Variants in SEC14L4 observed in about 807,000 individuals in gnomAD.
The protein encoded by SEC14L4 is SEC14 like lipid binding 4.
In SEC14L4, 42 loss-of-function variants were observed where a neutral mutation model predicts 55.1. The ratio of observed to expected loss-of-function variants is 0.76; its 90% CI spans 0.60 to 0.99. The LOEUF is 0.99. SEC14L4 is among the 50% of genes least tolerant of loss of function. SEC14L4 has a pLI of 0.00. For missense variants in SEC14L4, 445 were observed against 512.1 expected, an observed-to-expected ratio of 0.87 and a Z score of 1.27; for synonymous variants, 206 against 206.8, an observed-to-expected ratio of 1.00 and a Z score of 0.03.
intron 11 of SEC14L4, chr22:30,491,333 G>T: frequency 1.7e-6 from 1 of 577,644 alleles, no homozygotes; most frequent in Non-Finnish European, 3.1e-6. Flanking sequence ...AGTGATCCCG[G>T]TATAGGGGCT....
chr22:30,498,131 T>TC (rs1210936985), intron 2 of SEC14L4, among the ~76,000 whole-genome samples: 1 of 141,706 alleles, frequency 7.1e-6, no homozygotes, highest in Non-Finnish European at 1.5e-5. Context: ...TATCTTTTTT[T>TC]TTTTTTTTTT....
At chr22:30,502,322 T>C (rs1487376843) in intron 2 of SEC14L4, among the ~76,000 whole-genome samples, 1 of 152,166 alleles carries the variant, frequency 6.6e-6, no homozygotes, top group Non-Finnish European at 1.5e-5. Flanking sequence ...TTATGCCCAT[T>C]ACACAGAAGA....
chr22:30,491,667 A>C lies in SEC14L4; in HGVS notation c.987T>G (p.Ser329Arg), dbSNP rs146280848. ...FLKTKMGEQQ[S>R]AREMTEVLPS... is the part of the protein sequence containing the mutation. ...GCAGCACCTCCGTCATCTCCCTAGC[A>C]CTCTGCTGCTCCCCCATCTTGGTCT... Residue 329 changes from serine to arginine, a missense_variant, in exon 11 of 12, where the codon AGT becomes AGG. Transcript: ENST00000255858. 8.7e-5 allele frequency: 141 copies of C among 1,613,770 alleles called. No homozygotes were observed. The highest frequency in any genetic ancestry group is 4.2e-5 in the Non-Finnish European group (50 of 1,179,956).
rs1601846062 is a variant in SEC14L4, at chr22:30,494,328, C to T, written c.520-118G>A. 9 of 758,956 alleles carry T rather than the reference C, an allele frequency of 1.2e-5. No homozygotes were observed. In the East Asian group the frequency reaches 2.2e-4, roughly 19 times the overall value. The allele number at this position is 758,956 out of a possible 1,614,324, so 47.0% of individuals were successfully genotyped here. A position where few individuals can be genotyped will look rare whatever the true frequency, so the allele number is the denominator to read the frequency against. ...CCATCCCTGGCCCATCCTACCTTCC[C>T]CACAAGCATGTGCCTCTTCCTCTCT... On this transcript the variant is annotated intron_variant, in intron 6 of 11. Transcript: ENST00000255858.
chr22:30,498,667 A>G (rs1451797909), intron 2 of SEC14L4, among the ~76,000 whole-genome samples: 3 of 152,162 alleles, frequency 2.0e-5, no homozygotes, highest in Non-Finnish European at 4.4e-5. Context: ...AAATCCTCTA[A>G]TAAGTGTTAA....
chr22:30,504,151 G>A (rs1011450695), intron 1 of SEC14L4, among the ~76,000 whole-genome samples: 19 of 151,768 alleles, frequency 1.3e-4, no homozygotes, highest in Middle Eastern at 3.4e-3. Flanking sequence ...CGTGCCTCCC[G>A]GGTTCAATAG....
chr22:30,502,699 C>T (rs905186646), intron 2 of SEC14L4, among the ~76,000 whole-genome samples: 1 of 151,964 alleles, frequency 6.6e-6, no homozygotes, highest in African/African-American at 2.4e-5. Flanking sequence ...TACAGGTGCT[C>T]GGCAGCTCAC....
At chr22:30,499,874 G>GC (rs1936266033) in intron 2 of SEC14L4, among the ~76,000 whole-genome samples, 1 of 143,470 alleles carries the variant, frequency 7.0e-6, no homozygotes, top group African/African-American at 2.5e-5. Flanking sequence ...GAAATTAACT[G>GC]TTTTTTTTTT....
chr22:30,490,313 A>C (rs1213459531), intron 11 of SEC14L4, 67 bp from the exon 12 acceptor site: 7 of 1,599,460 alleles, frequency 4.4e-6, no homozygotes, highest in Non-Finnish European at 5.9e-6. Context: ...CCAGCCCTGC[A>C]TGGGTGCATC....
intron 7 of SEC14L4, among the ~76,000 whole-genome samples, chr22:30,493,083 C>CAAAAAAAAAA (rs10593638): frequency 1.2e-5 from 1 of 80,454 alleles, no homozygotes; most frequent in African/African-American, 4.3e-5. Flanking sequence ...GATTCCATCT[C>CAAAAAAAAAA]AAAAAAAAAA....
At chr22:30,499,876 T>C (rs1936266487) in intron 2 of SEC14L4, among the ~76,000 whole-genome samples, 1 of 146,450 alleles carries the variant, frequency 6.8e-6, no homozygotes, top group Non-Finnish European at 1.5e-5. Context: ...AATTAACTGT[T>C]TTTTTTTTTT....
Position 30,489,225 on chromosome 22 carries a change from C to CTTTA in SEC14L4, c.*878_*881dup. On this transcript the variant is annotated 3_prime_UTR_variant, in exon 12 of 12. Coordinates refer to ENST00000255858, the MANE Select transcript of SEC14L4 (RefSeq NM_174977.4). ...CACCTCTCCATGTCCAATGTTCTTT[C>CTTTA]TTTATTTGTTTGTTTGTTTGTTTGT... 8.1e-6 allele frequency: 1 copy of CTTTA among 124,072 alleles called. No individual in the cohort carries two copies. The highest frequency in any genetic ancestry group is 1.7e-5 in the Non-Finnish European group (1 of 57,232). The allele number at this position is 124,072 out of a possible 1,614,324, so 7.7% of individuals were successfully genotyped here.
Position 30,490,114 on chromosome 22 carries a change from G to A in SEC14L4, c.1214C>T (p.Thr405Ile). The part of the protein sequence containing the change: ...QSLKAMRPSP[T>I]Q The stretch of plus-strand genomic sequence containing the variant: ...TAGAGGTGGCTGGGGTCTTCACTGT[G>A]TTGGGGAGGGTCTCATCGCCTTGAG... Residue 405 changes from threonine to isoleucine, a missense_variant, in exon 12 of 12, where the codon ACA (threonine) becomes ATA (isoleucine). By Grantham distance (89) the Thr-to-Ile change is moderately conservative. Transcript: ENST00000255858. 1 of 1,613,986 alleles carries A rather than the reference G, an allele frequency of 6.2e-7. No individual in the cohort carries two copies.
chr22:30,505,090 C>T (rs1936448444), intron 1 of SEC14L4, among the ~76,000 whole-genome samples: 2 of 150,322 alleles, frequency 1.3e-5, no homozygotes, highest in South Asian at 2.1e-4. Context: ...CGAGATTGCG[C>T]CATTACACTC....
At chr22:30,494,327 C>A in intron 6 of SEC14L4, 117 bp from the exon 7 acceptor site, 1 of 763,862 alleles carries the variant, frequency 1.3e-6, no homozygotes, top group Non-Finnish European at 2.3e-6. Context: ...TCCTACCTTC[C>A]CCACAAGCAT....
At chr22:30,503,250 T>C (rs1411643145) in intron 2 of SEC14L4, among the ~76,000 whole-genome samples, 1 of 151,798 alleles carries the variant, frequency 6.6e-6, no homozygotes, top group Non-Finnish European at 1.5e-5. Flanking sequence ...TTCCAGACCC[T>C]GTGTTTTTTG....
At chr22:30,493,083 CAAAAAAAAAA>C (rs10593638) in intron 7 of SEC14L4, among the ~76,000 whole-genome samples, 2 of 80,454 alleles carry the variant, frequency 2.5e-5, no homozygotes, top group African/African-American at 8.5e-5. Flanking sequence ...GATTCCATCT[CAAAAAAAAAA>C]AAAAAAAAGA....
rs768393850 is a variant in SEC14L4 at position 30,494,145 on chromosome 22, C to T, written c.580+5G>A. On this transcript the variant is annotated splice_donor_5th_base_variant and intron_variant, in intron 7 of 11. Coordinates refer to ENST00000255858, the MANE Select transcript of SEC14L4 (RefSeq NM_174977.4). ...CCCAGGAGGTCATCCCGGTCATGGG[C>T]TTACCTCGAATAACAATTAAATTCT... 2 of 1,610,446 alleles carry T rather than the reference C, an allele frequency of 1.2e-6. No homozygotes were observed. Among genetic ancestry groups the T allele is most frequent in the Non-Finnish European group, 1.7e-6 (2 of 1,176,648 alleles).
chr22:30,504,693 G>A (rs1367645242), intron 1 of SEC14L4, among the ~76,000 whole-genome samples: 1 of 152,246 alleles, frequency 6.6e-6, no homozygotes, highest in Non-Finnish European at 1.5e-5. Flanking sequence ...GGGGCTGAAA[G>A]AGAAGCCAGG....
Sources: gnomAD v4.1 joint callset for allele counts (sites outside exome capture counted in the v4.1 genomes callset) on GRCh38, gnomAD v4.1.1 for gene constraint, MANE v1.5 for transcripts, NCBI Gene and HGNC (gene_info 2026-07-23, HGNC 2026-07-21) for gene names.